FCHSD2: variants seen among roughly 807,000 people sequenced by gnomAD.
FCHSD2 encodes the protein FCH and double SH3 domains 2, also known as F-BAR and double SH3 domains protein 2.
FCHSD2 carries 38 observed loss-of-function variants against 108.1 expected under a neutral mutation model. That is an observed-to-expected ratio of 0.35 (90% confidence interval 0.27 to 0.46). FCHSD2 has a LOEUF of 0.46. FCHSD2 is among the 20% of genes least tolerant of loss of function. The probability of loss-of-function intolerance (pLI) is 1.00; values close to 1 mark genes in which losing one functional copy is unlikely to be tolerated. For synonymous variants in FCHSD2, 279 were observed against 314.7 expected (o/e 0.89, Z 1.20); for missense variants, 751 against 897.8 (o/e 0.84, Z 2.09).
intron 2 of FCHSD2, among the ~76,000 whole-genome samples, chr11:73,130,871 T>TC (rs147477108): frequency 0.013 from 2,037 of 152,322 alleles, 49 homozygotes; most frequent in African/African-American, 0.045. Context: ...AATCTTTTTT[T>TC]CCCTCTCTTA....
intron 17 of FCHSD2, among the ~76,000 whole-genome samples, chr11:72,842,012 C>T (rs1025927343): frequency 6.6e-6 from 1 of 152,164 alleles, no homozygotes; most frequent in Non-Finnish European, 1.5e-5. Context: ...TCACAATCAC[C>T]ACGCAAACAA....
intron 8 of FCHSD2, among the ~76,000 whole-genome samples, chr11:72,933,328 A>C (rs909782956): frequency 1.3e-5 from 2 of 152,232 alleles, no homozygotes; most frequent in Non-Finnish European, 2.9e-5. Context: ...TATCTGTAGT[A>C]GGAAAGAATT....
chr11:73,057,990 C>T (rs1859069010), intron 3 of FCHSD2, among the ~76,000 whole-genome samples: 1 of 152,032 alleles, frequency 6.6e-6, no homozygotes, highest in African/African-American at 2.4e-5. Flanking sequence ...CGCCATCCTC[C>T]TGCCTCAGCT....
At chr11:73,107,421 C>G (rs1271886257) in intron 2 of FCHSD2, among the ~76,000 whole-genome samples, 1 of 152,182 alleles carries the variant, frequency 6.6e-6, no homozygotes, top group South Asian at 2.1e-4. Context: ...TATTTTGATA[C>G]AGGCATGCAA....
chr11:72,913,093 C>G (rs1190046189), intron 9 of FCHSD2, among the ~76,000 whole-genome samples: 1 of 152,088 alleles, frequency 6.6e-6, no homozygotes, highest in Non-Finnish European at 1.5e-5. Context: ...ACAACCAGAT[C>G]TCATGAGGAC....
chr11:72,895,379 A>C (rs1855396905), intron 10 of FCHSD2, among the ~76,000 whole-genome samples: 1 of 152,234 alleles, frequency 6.6e-6, no homozygotes, highest in South Asian at 2.1e-4. Flanking sequence ...AATGACATGA[A>C]AGTAAAACAA....
At chr11:73,130,471 G>T (rs1860971111) in intron 2 of FCHSD2, among the ~76,000 whole-genome samples, 1 of 152,150 alleles carries the variant, frequency 6.6e-6, no homozygotes, top group Admixed American at 6.6e-5. Context: ...TCAAGTTCAG[G>T]AGAGTATCCT....
rs755703472 is a variant in FCHSD2, at chr11:72,987,576, A to G, written c.521+1388T>C. ...TCCTTACTCTATAGTTGAAAAGTTA[A>G]TATTAATATGTCTAGCTTGCTGTAT... On this transcript the variant is annotated intron_variant, in intron 6 of 19. Transcript: ENST00000409418. Among the ~76,000 whole-genome samples, 47 of 152,218 alleles carry G rather than the reference A, an allele frequency of 3.1e-4. 1 individual carries two copies. The highest frequency in any genetic ancestry group is 1.1e-3 in the African/African-American group (45 of 41,454).
chr11:72,881,099 T>C (rs1306979147), intron 12 of FCHSD2, among the ~76,000 whole-genome samples: 2 of 152,084 alleles, frequency 1.3e-5, no homozygotes, highest in Non-Finnish European at 2.9e-5. Context: ...ACCTACAGAA[T>C]GGAAGAAAAT....
chr11:72,979,657 T>C (rs1035991593), intron 8 of FCHSD2, among the ~76,000 whole-genome samples: 3 of 152,210 alleles, frequency 2.0e-5, no homozygotes, highest in Non-Finnish European at 2.9e-5. Context: ...GCAAATAATA[T>C]GCCATTTTCA....
At chr11:73,055,296 T>A (rs1448616841) in intron 3 of FCHSD2, among the ~76,000 whole-genome samples, 1 of 150,538 alleles carries the variant, frequency 6.6e-6, no homozygotes, top group African/African-American at 2.5e-5. Context: ...TTAGCCATGA[T>A]CACCCCACTG....
intron 12 of FCHSD2, among the ~76,000 whole-genome samples, chr11:72,877,432 G>A (rs1179600962): frequency 6.6e-6 from 1 of 152,108 alleles, no homozygotes; most frequent in African/African-American, 2.4e-5. Flanking sequence ...CTTTCAAGGA[G>A]AAATTCCTCT....
chr11:73,122,155 T>C (rs966680906), intron 2 of FCHSD2, among the ~76,000 whole-genome samples: 1 of 152,176 alleles, frequency 6.6e-6, no homozygotes, highest in African/African-American at 2.4e-5. Flanking sequence ...GAGTTTTTTG[T>C]TGTTGTTGCT....
At chr11:72,854,118 C>A (rs936336841) in intron 13 of FCHSD2, among the ~76,000 whole-genome samples, 1 of 152,136 alleles carries the variant, frequency 6.6e-6, no homozygotes, top group Non-Finnish European at 1.5e-5. Flanking sequence ...AACTTTTATA[C>A]ACTGCTGGTA....
chr11:73,003,708 G>C (rs994903277), intron 4 of FCHSD2, among the ~76,000 whole-genome samples: 11 of 151,212 alleles, frequency 7.3e-5, no homozygotes, highest in African/African-American at 1.5e-4. Context: ...GGATGGTCTC[G>C]ATCTCCTGAC....
chr11:73,051,154 CA>C (rs760466430), intron 3 of FCHSD2, among the ~76,000 whole-genome samples: 44 of 152,020 alleles, frequency 2.9e-4, no homozygotes, highest in Non-Finnish European at 5.1e-4. Flanking sequence ...CTGTCTCTAC[CA>C]AACTTTAAAA....
chr11:73,014,544 C>T (rs1480293251), intron 4 of FCHSD2, among the ~76,000 whole-genome samples: 2 of 152,238 alleles, frequency 1.3e-5, no homozygotes, highest in East Asian at 3.9e-4. Flanking sequence ...ATTATTAGGG[C>T]TTCTTATCAT....
chr11:72,895,789 C>A (rs1855405444), intron 10 of FCHSD2, among the ~76,000 whole-genome samples: 1 of 152,158 alleles, frequency 6.6e-6, no homozygotes, highest in South Asian at 2.1e-4. Context: ...TAGTCAAAGC[C>A]TCTCATTTTT....
At chr11:73,060,873 G>A (rs1482609888) in intron 3 of FCHSD2, among the ~76,000 whole-genome samples, 2 of 152,292 alleles carry the variant, frequency 1.3e-5, no homozygotes, top group East Asian at 3.9e-4. Flanking sequence ...CAGGAGCCAG[G>A]TTCATAGCTT....
Sources: allele counts gnomAD v4.1 joint callset (sites outside exome capture counted in the v4.1 genomes callset), GRCh38; gene constraint gnomAD v4.1.1; transcripts MANE v1.5; gene names NCBI Gene and HGNC (gene_info 2026-07-23, HGNC 2026-07-21).